The following INTS6 variants were observed in gnomAD, a reference collection of about 807,000 sequenced individuals.
INTS6 encodes DEAD box protein.
Under a neutral mutation model 104.9 loss-of-function variants are expected in INTS6, and 16 were observed. The observed-to-expected ratio is 0.15, with a 90% CI of 0.10 to 0.23. The LOEUF (loss-of-function observed/expected upper bound fraction) is 0.23. Among genes scored for constraint, INTS6 ranks in the 10% least tolerant of loss-of-function variants. The pLI, the probability that INTS6 is intolerant of heterozygous loss-of-function variation, is 1.00. For missense variants in INTS6, 584 were observed against 1,062.8 expected (o/e 0.55, Z 6.26); for synonymous variants, 324 against 358.7 (o/e 0.90, Z 1.09).
chr13:51,400,443 C>T (rs1956415984), intron 4 of INTS6, among the ~76,000 whole-genome samples: 1 of 152,056 alleles, frequency 6.6e-6, no homozygotes, highest in Admixed American at 6.5e-5. Flanking sequence ...ATTATTTTCC[C>T]ACTTAAAATC....
chr13:51,352,043 T>C (rs61956916), downstream of INTS6, among the ~76,000 whole-genome samples: 1 of 152,146 alleles, frequency 6.6e-6, no homozygotes, highest in South Asian at 2.1e-4. Flanking sequence ...TTACTGTAGT[T>C]TGAGTCCTTC....
intron 5 of INTS6, among the ~76,000 whole-genome samples, chr13:51,390,835 T>C (rs1233258057): frequency 2.6e-5 from 4 of 152,198 alleles, no homozygotes; most frequent in African/African-American, 9.6e-5. Flanking sequence ...TCTACGTGCC[T>C]GGCACTGTTC....
chr13:51,405,270 G>A (rs1036686403), intron 4 of INTS6, among the ~76,000 whole-genome samples: 23 of 152,086 alleles, frequency 1.5e-4, no homozygotes. Flanking sequence ...TTTTAAGAAA[G>A]CCTTTAATCC....
chr13:51,355,087 C>A (rs1375911831), intron 3 of INTS6: 2 of 1,551,626 alleles, frequency 1.3e-6, no homozygotes, highest in Non-Finnish European at 1.7e-6. Context: ...ATTTTAAATT[C>A]TTGGGGAGTC....
intron 4 of INTS6, among the ~76,000 whole-genome samples, chr13:51,411,090 G>A (rs568516046): frequency 2.0e-5 from 3 of 151,942 alleles, no homozygotes; most frequent in South Asian, 4.2e-4. Context: ...GCGGGTGCCC[G>A]TAATCCTAGC....
intron 3 of INTS6, chr13:51,441,391 C>A (rs1466423620): frequency 6.6e-6 from 1 of 152,094 alleles, no homozygotes; most frequent in African/African-American, 2.4e-5. Flanking sequence ...CAAGATAGGT[C>A]TTTTCATTCT....
At chr13:51,416,473 G>C (rs1244690391) in intron 4 of INTS6, among the ~76,000 whole-genome samples, 1 of 152,112 alleles carries the variant, frequency 6.6e-6, no homozygotes, top group Non-Finnish European at 1.5e-5. Context: ...CATATAAATG[G>C]AAATTTGCAT....
In INTS6 at chr13:51,452,702, G is replaced by A. The variant is rs905516710; in HGVS notation, c.-177C>T. ...GGAGTTTCTCCCCCGATAGTTGAGA[G>A]GAAACTCCCCAGACCCAGTGCTCCC... On this transcript the variant is annotated 5_prime_UTR_variant, in exon 1 of 18. Transcript: ENST00000311234. This position sits in a 1 kb window ranked among gnomAD's most constrained non-coding sequence, Gnocchi z 4.2. 2.3e-5 allele frequency: 31 copies of A among 1,365,944 alleles called. No individual in the cohort carries two copies. The highest frequency in any genetic ancestry group is 7.6e-6 in the Non-Finnish European group (8 of 1,058,626). 84.6% of individuals were successfully genotyped at this position (1,365,944 alleles called of 1,614,324 possible).
At chr13:51,393,346 G>A (rs997888186) in intron 5 of INTS6, among the ~76,000 whole-genome samples, 5 of 152,104 alleles carry the variant, frequency 3.3e-5, no homozygotes, top group African/African-American at 1.2e-4. Flanking sequence ...CGAAAGTGCT[G>A]GGATTACAGG....
intron 9 of INTS6, 114 bp from the exon 10 acceptor site, chr13:51,382,237 T>C (rs561756340): frequency 1.9e-6 from 1 of 517,108 alleles, no homozygotes; most frequent in South Asian, 2.6e-5. Flanking sequence ...GAGAGTAACA[T>C]CAGACGTTTT....
At chr13:51,390,236 T>C (rs957362005) in intron 5 of INTS6, among the ~76,000 whole-genome samples, 3 of 152,054 alleles carry the variant, frequency 2.0e-5, no homozygotes, top group Non-Finnish European at 4.4e-5. Flanking sequence ...GAAATATAGC[T>C]AGTCTGAATT....
intron 4 of INTS6, among the ~76,000 whole-genome samples, chr13:51,398,885 TG>T (rs1277299373): frequency 6.6e-6 from 1 of 152,200 alleles, no homozygotes; most frequent in Non-Finnish European, 1.5e-5. Context: ...ACATCCAACA[TG>T]GATAGATCTC....
At chr13:51,387,289 C>T in intron 7 of INTS6, 97 bp downstream of exon 7, 2 of 1,128,766 alleles carry the variant, frequency 1.8e-6, no homozygotes, top group South Asian at 3.6e-5. Context: ...CTGTCTAATC[C>T]CCATAAATTA....
intron 12 of INTS6, among the ~76,000 whole-genome samples, chr13:51,376,822 A>G (rs576326729): frequency 6.6e-6 from 1 of 152,276 alleles, no homozygotes; most frequent in South Asian, 2.1e-4. Flanking sequence ...GTAGTAGTCT[A>G]TTATATGGAC....
intron 5 of INTS6, 106 bp from the exon 6 acceptor site, chr13:51,389,550 C>T: frequency 9.1e-7 from 1 of 1,094,620 alleles, no homozygotes; most frequent in Non-Finnish European, 1.2e-6. Context: ...GGGTTTCTGA[C>T]AGTACTAATT....
chr13:51,452,235 C>T lies in INTS6; in HGVS notation c.111+180G>A. The T allele has an allele frequency of 1.5e-6, 1 of 676,558 alleles. No homozygotes were observed. The highest frequency in any genetic ancestry group is 2.0e-6 in the Non-Finnish European group (1 of 494,804). The allele number at this position is 676,558 out of a possible 1,614,324, so 41.9% of individuals were successfully genotyped here. ...CCACACACCGCCCGGGGCCGGAGCC[C>T]GGGCCCCGGCCGAACCCGGCTCGCA... On this transcript the variant is annotated intron_variant, in intron 1 of 17. Coordinates refer to ENST00000311234, the MANE Select transcript of INTS6 (RefSeq NM_012141.3). This position sits in a 1 kb window ranked among gnomAD's most constrained non-coding sequence, Gnocchi z 4.2.
In INTS6 at chr13:51,363,580, A is replaced by T. The variant is rs1308581420; in HGVS notation, c.*2172T>A. 2 of 152,008 alleles carry T rather than the reference A, an allele frequency of 1.3e-5. No individual in the cohort carries two copies. The highest frequency in any genetic ancestry group is 2.9e-5 in the Non-Finnish European group (2 of 67,948). The allele number at this position is 152,008 out of a possible 1,614,324, so 9.4% of individuals were successfully genotyped here. ...TTGTCGAGCCTTAAGTCATTCAGTG[A>T]CATAAAGGGCCTAAAAGACATGATG... On this transcript the variant is annotated 3_prime_UTR_variant, in exon 18 of 18. Transcript: ENST00000311234.
intron 2 of INTS6, among the ~76,000 whole-genome samples, chr13:51,451,760 C>A (rs1352490379): frequency 6.7e-6 from 1 of 150,258 alleles, no homozygotes; most frequent in Non-Finnish European, 1.5e-5. Context: ...CCGGGCCGGG[C>A]CGGGAGGGGA....
At chr13:51,407,793 T>G (rs1430476114) in intron 4 of INTS6, among the ~76,000 whole-genome samples, 2 of 152,036 alleles carry the variant, frequency 1.3e-5, no homozygotes, top group African/African-American at 4.8e-5. Context: ...CCCAGCAATT[T>G]GGGACTTGAG....
Sources: allele counts gnomAD v4.1 joint callset (sites outside exome capture counted in the v4.1 genomes callset), GRCh38; gene constraint gnomAD v4.1.1; non-coding constraint Gnocchi (gnomAD v3.1); transcripts MANE v1.5; gene names NCBI Gene and HGNC (gene_info 2026-07-23, HGNC 2026-07-21).